The following ROBO2 variants were observed in gnomAD, a reference collection of about 807,000 sequenced individuals.
ROBO2 encodes the protein roundabout guidance receptor 2, also known as roundabout homolog 2.
Under a neutral mutation model 160.8 loss-of-function variants are expected in ROBO2, and 53 were observed. That is an observed-to-expected ratio of 0.33 (90% CI 0.26 to 0.41). The LOEUF (loss-of-function observed/expected upper bound fraction) is 0.41, where lower values mean the gene tolerates loss of function less well. Ranked by LOEUF, ROBO2 falls within the 10% of genes least tolerant of loss-of-function variation. The pLI is 1.00. For synonymous variants in ROBO2, 664 were observed against 611.7 expected (o/e 1.09, Z -1.26); for missense variants, 1,577 against 1,722.4 (o/e 0.92, Z 1.49).
chr3:76,888,027 C>G (rs566394904), intron 2 of ROBO2, among the ~76,000 whole-genome samples: 1 of 152,160 alleles, frequency 6.6e-6, no homozygotes. Context: ...TAAAATAGCA[C>G]TGATAATGGA....
intron 2 of ROBO2, among the ~76,000 whole-genome samples, chr3:76,175,771 C>T (rs548106372): frequency 6.6e-6 from 1 of 152,180 alleles, no homozygotes; most frequent in South Asian, 2.1e-4. Flanking sequence ...GTGTTTATTA[C>T]CCAAAACCCA....
At chr3:77,183,306 T>C (rs1469957122) in intron 2 of ROBO2, among the ~76,000 whole-genome samples, 3 of 152,068 alleles carry the variant, frequency 2.0e-5, no homozygotes, top group Admixed American at 6.6e-5. Flanking sequence ...CTGGGTGGTC[T>C]ATAATACTTA....
At chr3:77,048,910 C>T (rs985601680) in intron 1 of ROBO2, among the ~76,000 whole-genome samples, 1 of 152,196 alleles carries the variant, frequency 6.6e-6, no homozygotes, top group Middle Eastern at 3.4e-3. Flanking sequence ...TAGAACCTTA[C>T]CAAAAATGGT....
At position 77,352,550 on chromosome 3, in the gene ROBO2, T is replaced by C. The variant is rs766168133; in HGVS notation, c.389-124864T>C. Among the ~76,000 whole-genome samples the C allele has an allele frequency of 2.2e-4, 33 of 150,496 alleles. 1 individual carries two copies. The highest frequency in any genetic ancestry group is 4.7e-4 in the Non-Finnish European group (32 of 67,636). On this transcript the variant is annotated intron_variant, in intron 2 of 25. Transcript: ENST00000461745. ...CGACATGCTTTTCTTGTTCATTTGG[T>C]AAGCCATGAAGAAATTAGAACATGA...
chr3:76,228,871 G>T (rs1349033728), intron 2 of ROBO2, among the ~76,000 whole-genome samples: 1 of 152,078 alleles, frequency 6.6e-6, no homozygotes, highest in Admixed American at 6.6e-5. Context: ...AATTAGTGGG[G>T]CATGCTGGGA....
intron 2 of ROBO2, among the ~76,000 whole-genome samples, chr3:76,756,154 A>C (rs1345429818): frequency 1.3e-5 from 2 of 151,774 alleles, no homozygotes; most frequent in Non-Finnish European, 2.9e-5. Flanking sequence ...CTCAAGAAAA[A>C]ACTCTTGTCT....
rs1356042676 is a variant in ROBO2 at position 75,969,920 on chromosome 3, G to T, written c.109+32318G>T. Among the ~76,000 whole-genome samples the T allele has an allele frequency of 2.6e-5, 4 of 151,554 alleles. No homozygotes were observed. In the East Asian group the frequency reaches 7.8e-4, roughly 30 times the overall value. On this transcript the variant is annotated intron_variant, in intron 2 of 26. Transcript: ENST00000487694. ...TTACTTGCTTATTTTTGCTTTTGTT[G>T]CCTGAGCTTTTGGTGTGATAGCCAA...
intron 2 of ROBO2, among the ~76,000 whole-genome samples, chr3:77,137,690 TAC>T (rs1222227747): frequency 6.6e-6 from 1 of 152,238 alleles, no homozygotes; most frequent in Non-Finnish European, 1.5e-5. Context: ...AGTCTAATTG[TAC>T]AGTCTGTTGA....
At chr3:77,454,707 T>G (rs540128004) in intron 2 of ROBO2, among the ~76,000 whole-genome samples, 133 of 152,336 alleles carry the variant, frequency 8.7e-4, no homozygotes, top group African/African-American at 3.1e-3. Flanking sequence ...TCATGCACTC[T>G]TAAAAATTTC....
Position 76,085,112 on chromosome 3 carries a change from TATATACACACACAC to T in ROBO2, c.109+147512_109+147525del, listed in dbSNP as rs200038080. On this transcript the variant is annotated intron_variant, in intron 2 of 26. Transcript: ENST00000487694. ...AAACCCCCCAGTTTACATATATATA[TATATACACACACAC>T]ACACACACACACACATACGTATATA... 2.8e-3 allele frequency among the ~76,000 whole-genome samples: 417 copies of T among 146,772 alleles called. 6 individuals carry two copies. The highest frequency in any genetic ancestry group is 0.011 in the African/African-American group (407 of 38,238).
intron 2 of ROBO2, among the ~76,000 whole-genome samples, chr3:76,430,702 G>A (rs1206930573): frequency 1.4e-4 from 21 of 151,616 alleles, no homozygotes; most frequent in Non-Finnish European, 3.1e-4. Flanking sequence ...GAAAATCTCT[G>A]TAAAAACAGT....
chr3:77,035,249 A>T (rs2063559501), upstream of ROBO2, among the ~76,000 whole-genome samples: 2 of 151,930 alleles, frequency 1.3e-5, no homozygotes, highest in Non-Finnish European at 2.9e-5. Context: ...TGACACTATG[A>T]AGATAAATAA....
intron 1 of ROBO2, among the ~76,000 whole-genome samples, chr3:75,920,287 C>G (rs1241596429): frequency 6.6e-6 from 1 of 152,122 alleles, no homozygotes; most frequent in Admixed American, 6.5e-5. Flanking sequence ...TTGCTATTTA[C>G]CCAGTAGTCA....
At chr3:76,979,744 TACACACAC>T (rs138996245) in intron 2 of ROBO2, among the ~76,000 whole-genome samples, 14 of 147,470 alleles carry the variant, frequency 9.5e-5, no homozygotes, top group African/African-American at 3.2e-4. Flanking sequence ...TTACTTTTCT[TACACACAC>T]ACACACACAC....
intron 2 of ROBO2, among the ~76,000 whole-genome samples, chr3:76,595,129 C>T (rs1486874398): frequency 3.9e-5 from 6 of 151,978 alleles, no homozygotes; most frequent in Admixed American, 2.6e-4. Flanking sequence ...TATGGGCACA[C>T]TGATCTTGGA....
intron 2 of ROBO2, among the ~76,000 whole-genome samples, chr3:77,151,169 A>G (rs1386143541): frequency 6.6e-6 from 1 of 152,180 alleles, no homozygotes; most frequent in Non-Finnish European, 1.5e-5. Flanking sequence ...CATTAAATAC[A>G]ATTTCCACTT....
intron 2 of ROBO2, chr3:77,316,707 C>T (rs1366999662): frequency 3.0e-5 from 24 of 811,900 alleles, no homozygotes; most frequent in Non-Finnish European, 5.2e-5. Context: ...CTGAAGGTAG[C>T]TATGCTGCAA....
chr3:76,679,965 G>T (rs2092513284), intron 2 of ROBO2, among the ~76,000 whole-genome samples: 1 of 152,114 alleles, frequency 6.6e-6, no homozygotes, highest in Non-Finnish European at 1.5e-5. Context: ...GCTGGATTTT[G>T]TGGTGCTCTG....
chr3:77,302,146 T>C (rs2062717608), intron 2 of ROBO2, among the ~76,000 whole-genome samples: 1 of 152,036 alleles, frequency 6.6e-6, no homozygotes, highest in Admixed American at 6.6e-5. Flanking sequence ...CTAGCCATGT[T>C]GCCCAGGCTG....
Sources: allele counts gnomAD v4.1 joint callset (sites outside exome capture counted in the v4.1 genomes callset), GRCh38; gene constraint gnomAD v4.1.1; transcripts MANE v1.5; gene names NCBI Gene and HGNC (gene_info 2026-07-23, HGNC 2026-07-21).